Variants in CDK5RAP1 observed in about 807,000 individuals in gnomAD.
CDK5RAP1 encodes the protein CDK5RAP1 mitochondrial tRNA methylthiotransferase.
A neutral mutation model predicts 64.5 loss-of-function variants in CDK5RAP1; 62 were observed. The ratio of observed to expected loss-of-function variants is 0.96; its 90% confidence interval spans 0.78 to 1.19. The LOEUF (loss-of-function observed/expected upper bound fraction) is 1.19, where lower values mean the gene tolerates loss of function less well. CDK5RAP1 is among the 50% of genes most tolerant of loss of function. The pLI is 0.00. For synonymous variants in CDK5RAP1, 250 were observed against 261.9 expected (o/e 0.95, Z 0.44); for missense variants, 657 against 735.0 (o/e 0.89, Z 1.23).
chr20:33,383,278 A>G (rs1003059973), intron 7 of CDK5RAP1, among the ~76,000 whole-genome samples: 4 of 152,086 alleles, frequency 2.6e-5, no homozygotes, highest in Admixed American at 2.6e-4. Flanking sequence ...GGATGAAACA[A>G]CATGCTCTAC....
intron 6 of CDK5RAP1, 25 bp from the exon 7 acceptor site, chr20:33,385,795 AGT>A (rs1212390120): frequency 6.2e-7 from 1 of 1,602,908 alleles, no homozygotes; most frequent in Non-Finnish European, 8.5e-7. Context: ...ACCAGAACTT[AGT>A]AACAGTAGCA....
At chr20:33,369,195 T>C (rs542949062) in intron 11 of CDK5RAP1, among the ~76,000 whole-genome samples, 3 of 150,390 alleles carry the variant, frequency 2.0e-5, no homozygotes, top group African/African-American at 7.3e-5. Flanking sequence ...AGAAGCAAAA[T>C]AGAAGGGGCC....
chr20:33,375,205 C>A (rs539947696), intron 8 of CDK5RAP1, among the ~76,000 whole-genome samples: 1 of 151,510 alleles, frequency 6.6e-6, no homozygotes, highest in East Asian at 2.0e-4. Flanking sequence ...AGTTCGAGAC[C>A]AGCTTGGCCA....
intron 7 of CDK5RAP1, among the ~76,000 whole-genome samples, chr20:33,385,208 GAAC>G (rs1355105937): frequency 6.6e-6 from 1 of 152,144 alleles, no homozygotes; most frequent in East Asian, 1.9e-4. Context: ...GTGATAAAAT[GAAC>G]AATAAATCTG....
Position 33,359,081 on chromosome 20 carries a change from A to C in CDK5RAP1, c.1726T>G (p.Cys576Gly). The C allele has an allele frequency of 6.2e-7, 1 of 1,614,010 alleles. No individual in the cohort carries two copies. The highest frequency in any genetic ancestry group is 1.1e-5 in the South Asian group (1 of 91,080). The change falls in exon 14 of 14, where the codon TGC becomes GGC. Residue 576 changes from cysteine to glycine, a missense_variant. Coordinates refer to ENST00000346416, the MANE Select transcript of CDK5RAP1 (RefSeq NM_016408.4). ...SSQTLRGHVL[C>G]RTTLRDSSAY... ...GAAGAGTCCCTCAGAGTGGTCCTGC[A>C]GAGAACATGTCCCCTAAGTGTCTGA...
chr20:33,401,106 G>A (rs1042453450), intron 1 of CDK5RAP1, among the ~76,000 whole-genome samples: 4 of 152,210 alleles, frequency 2.6e-5, no homozygotes, highest in Admixed American at 6.5e-5. Flanking sequence ...AATGCGTTAG[G>A]CATGGTGCAA....
chr20:33,371,979 C>T (rs568431431), intron 10 of CDK5RAP1, among the ~76,000 whole-genome samples: 2 of 152,224 alleles, frequency 1.3e-5, no homozygotes, highest in Admixed American at 6.5e-5. Context: ...AAAAAGTACA[C>T]ATTTTACTGC....
chr20:33,396,875 T>C lies in CDK5RAP1; in HGVS notation c.190A>G (p.Thr64Ala), dbSNP rs748451923. The C allele has an allele frequency of 4.3e-6, 7 of 1,614,170 alleles. No individual in the cohort carries two copies. The highest frequency in any genetic ancestry group is 5.1e-6 in the Non-Finnish European group (6 of 1,180,014). ...DFSSRLAAGP[T>A]FQHFLKSASA... ...GCACTTTTTAAAAAATGTTGAAAAG[T>C]CGGTCCAGCAGCCAGCCTGGAGCTG... Residue 64 changes from threonine to alanine, a missense_variant, in exon 2 of 14, where the codon ACT becomes GCT. Coordinates refer to ENST00000346416, the MANE Select transcript of CDK5RAP1 (RefSeq NM_016408.4).
chr20:33,392,462 ATTTTTTTTTTTT>A (rs1202756640), intron 4 of CDK5RAP1, among the ~76,000 whole-genome samples: 1 of 119,008 alleles, frequency 8.4e-6, no homozygotes, highest in African/African-American at 3.1e-5. Context: ...TTTGGGGGGG[ATTTTTTTTTTTT>A]TTTTTTTTTT....
chr20:33,387,561 T>C (rs894503591), intron 5 of CDK5RAP1, 28 bp from the exon 6 acceptor site: 2 of 1,581,898 alleles, frequency 1.3e-6, no homozygotes, highest in African/African-American at 2.7e-5. Context: ...ACAAGCACCT[T>C]TCCCCAAATC....
At chr20:33,386,785 A>AAC (rs1555809837) in intron 6 of CDK5RAP1, among the ~76,000 whole-genome samples, 1 of 151,898 alleles carries the variant, frequency 6.6e-6, no homozygotes, top group East Asian at 1.9e-4. Context: ...TAAAAAAAAA[A>AAC]AAAAAACCCT....
chr20:33,400,060 A>G (rs2146739595), intron 1 of CDK5RAP1, among the ~76,000 whole-genome samples: 1 of 152,266 alleles, frequency 6.6e-6, no homozygotes, highest in South Asian at 2.1e-4. Flanking sequence ...AAAAAAGGAA[A>G]TGGAATGCAC....
At chr20:33,377,520 G>A (rs1274751395) in intron 8 of CDK5RAP1, among the ~76,000 whole-genome samples, 1 of 152,222 alleles carries the variant, frequency 6.6e-6, no homozygotes, top group Non-Finnish European at 1.5e-5. Flanking sequence ...GAGAACTGAA[G>A]AGGGGCCTTG....
chr20:33,394,521 G>A (rs1449895099), intron 3 of CDK5RAP1, among the ~76,000 whole-genome samples: 1 of 143,646 alleles, frequency 7.0e-6, no homozygotes, highest in Non-Finnish European at 1.5e-5. Context: ...TCGCTCACTT[G>A]CCCAGGCTGA....
At chr20:33,390,752 C>G (rs1988216561) in intron 5 of CDK5RAP1, among the ~76,000 whole-genome samples, 1 of 152,126 alleles carries the variant, frequency 6.6e-6, no homozygotes, top group African/African-American at 2.4e-5. Flanking sequence ...CTTCCATCCT[C>G]CTGCGTCAAT....
intron 5 of CDK5RAP1, among the ~76,000 whole-genome samples, chr20:33,390,274 C>CA (rs113894811): frequency 0.66 from 94,116 of 142,748 alleles, 30,397 homozygotes; most frequent in Admixed American, 0.73. Context: ...ACCCTGTCAC[C>CA]AAAAAAAAAA....
chr20:33,380,985 G>T (rs2146656054), intron 7 of CDK5RAP1, among the ~76,000 whole-genome samples: 1 of 152,262 alleles, frequency 6.6e-6, no homozygotes, highest in Non-Finnish European at 1.5e-5. Context: ...GGGCAACAGA[G>T]CGAGACTCCA....
At position 33,387,366 on chromosome 20, in the gene CDK5RAP1, C is replaced by T. The variant is rs1295543493; in HGVS notation, c.712G>A (p.Val238Ile). 1 of 1,614,090 alleles carries T rather than the reference C, an allele frequency of 6.2e-7. No individual in the cohort carries two copies. Among genetic ancestry groups the T allele is most frequent in the Admixed American group, 1.7e-5 (1 of 59,990 alleles). The change falls in exon 6 of 14, where the codon GTC (valine) becomes ATC (isoleucine). Residue 238 changes from valine (V) to isoleucine (I), a missense_variant. Coordinates refer to ENST00000346416, the MANE Select transcript of CDK5RAP1 (RefSeq NM_016408.4). The stretch of plus-strand genomic sequence containing the variant: ...CTGGCGCTTGTCTGGACTGGCATGA[C>T]ATCAGCATAGGTCTCGTCCAGAGAG... ...LLSLDETYAD[V>I]MPVQTSASAT...
intron 5 of CDK5RAP1, among the ~76,000 whole-genome samples, chr20:33,389,414 G>A (rs1455939347): frequency 2.6e-5 from 4 of 152,036 alleles, no homozygotes; most frequent in African/African-American, 4.8e-5. Context: ...GAAGTGAGGA[G>A]CCCCTCCGCC....
Sources: gnomAD v4.1 joint callset for allele counts (sites outside exome capture counted in the v4.1 genomes callset) on GRCh38, gnomAD v4.1.1 for gene constraint, MANE v1.5 for transcripts, NCBI Gene and HGNC (gene_info 2026-07-23, HGNC 2026-07-21) for gene names.